Variants in EFCAB13 observed in about 807,000 individuals in gnomAD.
The protein encoded by EFCAB13 is EF-hand calcium binding domain 13.
A neutral mutation model predicts 110.2 loss-of-function variants in EFCAB13; 91 were observed. The observed-to-expected ratio is 0.83, with a 90% CI of 0.70 to 0.98. The LOEUF (loss-of-function observed/expected upper bound fraction) is 0.98, where lower values mean the gene tolerates loss of function less well. Ranked by LOEUF, EFCAB13 falls within the 50% of genes least tolerant of loss-of-function variation. The pLI is 0.00. For missense variants in EFCAB13, 968 were observed against 1,119.4 expected, an observed-to-expected ratio of 0.86 and a Z score of 1.93; for synonymous variants, 323 against 369.9, an observed-to-expected ratio of 0.87 and a Z score of 1.45.
At chr17:47,404,772 A>G (rs1282417752) in intron 20 of EFCAB13, 139 bp downstream of exon 20, 9 of 478,272 alleles carry the variant, frequency 1.9e-5, no homozygotes, top group Non-Finnish European at 3.2e-5. Context: ...GTACTTGAAC[A>G]CTTTCAGTTA....
intron 23 of EFCAB13, 85 bp from the exon 24 acceptor site, chr17:47,429,733 T>C: frequency 7.1e-7 from 1 of 1,415,652 alleles, no homozygotes; most frequent in South Asian, 1.5e-5. Flanking sequence ...TCATATTTTA[T>C]GCAACCTGAG....
intron 21 of EFCAB13, among the ~76,000 whole-genome samples, chr17:47,411,484 T>A (rs528113181): frequency 6.6e-6 from 1 of 152,346 alleles, no homozygotes; most frequent in Admixed American, 6.5e-5. Context: ...TTTGTGTGTG[T>A]ATTTTTCTCA....
chr17:47,407,579 G>A (rs923307566), intron 20 of EFCAB13, among the ~76,000 whole-genome samples: 3 of 152,136 alleles, frequency 2.0e-5, no homozygotes, highest in Non-Finnish European at 4.4e-5. Context: ...AAAATTGTCA[G>A]TTTGACAAAG....
chr17:47,335,348 T>A lies in EFCAB13; in HGVS notation c.183T>A (p.Tyr61Ter). 1 of 1,582,754 alleles carries A rather than the reference T, an allele frequency of 6.3e-7. No homozygotes were observed. The highest frequency in any genetic ancestry group is 2.0e-5 in the Admixed American group (1 of 50,544). Residue 61 changes from tyrosine (Y) to a stop codon, truncating the protein, a stop_gained, in exon 5 of 25, where the codon TAT (tyrosine) becomes TAA (stop). Coordinates refer to ENST00000331493, the MANE Select transcript of EFCAB13 (RefSeq NM_152347.5). LOFTEE classifies it high-confidence loss of function. ...AAATTAGGAGTTTGAGCCCAGAATA[T>A]AAAAAAATGTAAGTTAAAAACTCTG... is the stretch of plus-strand genomic sequence containing the variant. ...SPEIRSLSPE[Y>*]KKIFETSIIF...
At chr17:47,391,764 C>G (rs966606649) in intron 15 of EFCAB13, among the ~76,000 whole-genome samples, 184 bp downstream of exon 15, 7 of 151,490 alleles carry the variant, frequency 4.6e-5, no homozygotes. Context: ...TTAGGAATAA[C>G]CAGTATTAAT....
rs555958342 is a variant in EFCAB13, at chr17:47,417,401, CT to C, written c.2494+2485del. On this transcript the variant is annotated intron_variant, in intron 23 of 24. Coordinates refer to ENST00000331493, the MANE Select transcript of EFCAB13 (RefSeq NM_152347.5). ...AAGAATGTTTCTCTATGATACCAATCTTTCACTGTTTGCTTTAGTTTCAGTG... is the reference window on the plus strand; with the variant it reads ...AAGAATGTTTCTCTATGATACCAATCTTCACTGTTTGCTTTAGTTTCAGTG... Among the ~76,000 whole-genome samples, 11 of 152,336 alleles carry C rather than the reference CT, an allele frequency of 7.2e-5. 1 individual carries two copies. The South Asian group carries it at 2.3e-3, about 32-fold the overall frequency.
chr17:47,417,390 A>G (rs950042752), intron 23 of EFCAB13, among the ~76,000 whole-genome samples: 1 of 152,220 alleles, frequency 6.6e-6, no homozygotes, highest in Non-Finnish European at 1.5e-5. Flanking sequence ...ATGTTTCTCT[A>G]TGATACCAAT....
At chr17:47,338,912 C>T (rs1338521006) in intron 5 of EFCAB13, among the ~76,000 whole-genome samples, 1 of 151,626 alleles carries the variant, frequency 6.6e-6, no homozygotes, top group African/African-American at 2.4e-5. Flanking sequence ...GAGCAGGGTA[C>T]ACCATAAATA....
At chr17:47,334,937 C>T (rs1298723161) in intron 4 of EFCAB13, among the ~76,000 whole-genome samples, 1 of 152,048 alleles carries the variant, frequency 6.6e-6, no homozygotes, top group Non-Finnish European at 1.5e-5. Flanking sequence ...GTGCTAGATG[C>T]AATAACTGTT....
intron 9 of EFCAB13, among the ~76,000 whole-genome samples, chr17:47,353,647 G>C (rs1179964055): frequency 6.6e-6 from 1 of 152,106 alleles, no homozygotes; most frequent in Non-Finnish European, 1.5e-5. Context: ...AGTCTTTATA[G>C]AACTGGATTA....
intron 10 of EFCAB13, among the ~76,000 whole-genome samples, chr17:47,363,747 C>G (rs1011302366): frequency 6.6e-6 from 1 of 152,122 alleles, no homozygotes; most frequent in African/African-American, 2.4e-5. Flanking sequence ...GACATGACAT[C>G]TTTTTGAGTG....
At chr17:47,385,346 T>G (rs2065670688) in intron 14 of EFCAB13, among the ~76,000 whole-genome samples, 3 of 152,042 alleles carry the variant, frequency 2.0e-5, no homozygotes, top group Admixed American at 2.0e-4. Context: ...TCATTCCTTT[T>G]CAATCTTTTG....
intron 23 of EFCAB13, among the ~76,000 whole-genome samples, chr17:47,416,460 T>C (rs56952963): frequency 0.52 from 78,544 of 151,894 alleles, 20,814 homozygotes; most frequent in Middle Eastern, 0.56. Context: ...ATTCAGGGGG[T>C]ACATGTGCAG....
intron 23 of EFCAB13, among the ~76,000 whole-genome samples, chr17:47,418,308 T>C (rs189208215): frequency 6.6e-6 from 1 of 152,316 alleles, no homozygotes; most frequent in Non-Finnish European, 1.5e-5. Context: ...ATAAATGTCC[T>C]TTTTGGCACT....
At chr17:47,351,279 CTG>C (rs140772791) in intron 9 of EFCAB13, among the ~76,000 whole-genome samples, 61 of 128,038 alleles carry the variant, frequency 4.8e-4, no homozygotes, top group African/African-American at 1.8e-3. Context: ...TAGTATTCCA[CTG>C]TGTGTGTGTG....
chr17:47,367,184 C>T (rs1024395215), intron 10 of EFCAB13, among the ~76,000 whole-genome samples: 2 of 152,184 alleles, frequency 1.3e-5, no homozygotes, highest in African/African-American at 4.8e-5. Flanking sequence ...AGGAAGCAAT[C>T]TCTAATCAGA....
rs1317916594 is a variant in EFCAB13 at position 47,421,031 on chromosome 17, G to A, written c.2494+6112G>A. Reference sequence around the variant, plus strand: ...GTCCGGGAGGGAGGTGGGGGGGTCAGCCCCCCGCCCGGCCAGCCACCCCGC... The same window carrying A: ...GTCCGGGAGGGAGGTGGGGGGGTCAACCCCCCGCCCGGCCAGCCACCCCGC... On this transcript the variant is annotated intron_variant, in intron 23 of 24. Coordinates refer to ENST00000331493, the MANE Select transcript of EFCAB13 (RefSeq NM_152347.5). 4.0e-5 allele frequency among the ~76,000 whole-genome samples: 6 copies of A among 148,974 alleles called. 1 individual carries two copies. The highest frequency in any genetic ancestry group is 1.5e-4 in the African/African-American group (6 of 40,270).
intron 5 of EFCAB13, chr17:47,339,785 A>T (rs768586569): frequency 2.0e-5 from 3 of 152,120 alleles, no homozygotes; most frequent in Non-Finnish European, 4.4e-5. Flanking sequence ...AGAAAGAAGA[A>T]TGTTGATTAA....
At chr17:47,425,905 A>G (rs1448776498) in intron 23 of EFCAB13, among the ~76,000 whole-genome samples, 2 of 152,230 alleles carry the variant, frequency 1.3e-5, no homozygotes, top group Non-Finnish European at 2.9e-5. Context: ...AAGATGATGT[A>G]TGTAACTTGC....
Sources: gnomAD v4.1 joint callset for allele counts (sites outside exome capture counted in the v4.1 genomes callset) on GRCh38, gnomAD v4.1.1 for gene constraint, MANE v1.5 for transcripts, NCBI Gene and HGNC (gene_info 2026-07-23, HGNC 2026-07-21) for gene names.